SLIT1: variants seen among roughly 807,000 people sequenced by gnomAD.
The protein encoded by SLIT1 is slit homolog 1 protein.
Under a neutral mutation model 186.1 loss-of-function variants are expected in SLIT1, and 66 were observed. The ratio of observed to expected loss-of-function variants is 0.35; its 90% CI spans 0.29 to 0.44. The LOEUF (loss-of-function observed/expected upper bound fraction) is 0.44. SLIT1 is among the 20% of genes least tolerant of loss of function. The pLI is 1.00. For synonymous variants in SLIT1, 761 were observed against 833.8 expected (o/e 0.91, Z 1.50); for missense variants, 1,638 against 2,037.4 (o/e 0.80, Z 3.77).
rs1258172693 is a variant in SLIT1 at position 97,066,047 on chromosome 10, T to C, written c.453A>G (p.Lys151=). The C allele has an allele frequency of 1.9e-6, 3 of 1,606,736 alleles. No individual in the cohort carries two copies. In the Admixed American group the frequency reaches 5.0e-5, roughly 27 times the overall value. ...TAAGGTCCGTAGCTCCCCGAAAAGC[T>C]TTCCTGGGGATGGCCTGGATGGCGT... ...SENAIQAIPR[K]AFRGATDLKN... Residue 151 remains lysine (K), a synonymous_variant, in exon 5 of 37, where the codon AAA becomes AAG. Coordinates refer to ENST00000266058, the MANE Select transcript of SLIT1 (RefSeq NM_003061.3).
chr10:97,043,737 CTG>C lies in SLIT1; in HGVS notation c.1854-226_1854-225del, dbSNP rs1332545683. 6.6e-6 allele frequency among the ~76,000 whole-genome samples: 1 copy of C among 152,214 alleles called. No homozygotes were observed. The highest frequency in any genetic ancestry group is 2.4e-5 in the African/African-American group (1 of 41,460). On this transcript the variant is annotated intron_variant, in intron 18 of 36. Transcript: ENST00000266058. This position sits in a 1 kb window ranked among gnomAD's most constrained non-coding sequence, Gnocchi z 7.0. ...CCCGCCTCTGAGAAGCCTCGAGGCT[CTG>C]TCTCTCTCTCCCTGCCACTGCCCTG...
intron 13 of SLIT1, among the ~76,000 whole-genome samples, chr10:97,053,356 C>A (rs2134631153): frequency 6.6e-6 from 1 of 152,294 alleles, no homozygotes; most frequent in South Asian, 2.1e-4. Context: ...CAAGGTTTCC[C>A]CATGGGGCTT....
chr10:97,139,695 C>G (rs1392418337), intron 4 of SLIT1, among the ~76,000 whole-genome samples: 1 of 152,204 alleles, frequency 6.6e-6, no homozygotes, highest in African/African-American at 2.4e-5. Context: ...CCTCTGAGAG[C>G]TGACATGTCC....
At chr10:97,015,148 A>G (rs1848444390) in intron 28 of SLIT1, among the ~76,000 whole-genome samples, 1 of 152,090 alleles carries the variant, frequency 6.6e-6, no homozygotes, top group Admixed American at 6.5e-5. Flanking sequence ...CCCTAAATTG[A>G]CCCAGCTCAG....
chr10:97,083,618 C>T (rs1222451642), intron 4 of SLIT1, among the ~76,000 whole-genome samples: 7 of 152,168 alleles, frequency 4.6e-5, no homozygotes, highest in African/African-American at 1.4e-4. Flanking sequence ...AAATGGCATA[C>T]GGTTCACATG....
At chr10:97,056,764 G>C (rs1467265373) in intron 12 of SLIT1, among the ~76,000 whole-genome samples, 2 of 152,216 alleles carry the variant, frequency 1.3e-5, no homozygotes, top group African/African-American at 2.4e-5. Context: ...GCATTTTTGG[G>C]GGGGGCTCCT....
rs572355607 is a variant in SLIT1 at position 97,169,608 on chromosome 10, C to T, written c.198-4718G>A. ...TAAGCCCCAGGGCAGCCAGGGCAGCCGGTGGAGTAGGCCCACCTGGGCAGG... is the reference window on the plus strand; with the variant it reads ...TAAGCCCCAGGGCAGCCAGGGCAGCTGGTGGAGTAGGCCCACCTGGGCAGG... On this transcript the variant is annotated intron_variant, in intron 1 of 36. Transcript: ENST00000266058. Among the ~76,000 whole-genome samples, 60 of 152,332 alleles carry T rather than the reference C, an allele frequency of 3.9e-4. 1 individual carries two copies. In the South Asian group the frequency reaches 0.011, roughly 28 times the overall value.
chr10:97,089,609 T>G (rs531982765), intron 4 of SLIT1, among the ~76,000 whole-genome samples: 2 of 152,220 alleles, frequency 1.3e-5, no homozygotes, highest in Non-Finnish European at 2.9e-5. Context: ...TTCTGGCCGC[T>G]GCAGCCCTAT....
chr10:97,171,627 C>T (rs775387721), intron 1 of SLIT1, among the ~76,000 whole-genome samples: 2 of 152,138 alleles, frequency 1.3e-5, no homozygotes, highest in East Asian at 3.8e-4. Flanking sequence ...TGAGACCAGC[C>T]TGGCCAACAT....
chr10:97,118,148 A>G (rs1023046888), intron 4 of SLIT1, among the ~76,000 whole-genome samples: 2 of 152,240 alleles, frequency 1.3e-5, no homozygotes, highest in African/African-American at 4.8e-5. Context: ...GAGGGCCTGA[A>G]TATCACATAA....
At chr10:97,141,714 A>ATTG (rs1166016412) in intron 4 of SLIT1, among the ~76,000 whole-genome samples, 2 of 127,700 alleles carry the variant, frequency 1.6e-5, no homozygotes, top group African/African-American at 6.5e-5. Context: ...ATTGTATTGT[A>ATTG]CTGTATTGTA....
At position 97,035,705 on chromosome 10, in the gene SLIT1, G is replaced by A. The variant is rs567761331; in HGVS notation, c.2367-1163C>T. ...AGTGGCACCCATGTGCCTAGCATGT[G>A]GACTCCAGGCCCTCTAGCTGGCCAC... On this transcript the variant is annotated intron_variant, in intron 22 of 36. Coordinates refer to ENST00000266058, the MANE Select transcript of SLIT1 (RefSeq NM_003061.3). Among the ~76,000 whole-genome samples, 9 of 152,256 alleles carry A rather than the reference G, an allele frequency of 5.9e-5. No homozygotes were observed. In the East Asian group the frequency reaches 1.5e-3, roughly 26 times the overall value.
chr10:97,161,091 T>C (rs1404577523), intron 3 of SLIT1, among the ~76,000 whole-genome samples: 1 of 152,118 alleles, frequency 6.6e-6, no homozygotes, highest in Admixed American at 6.5e-5. Context: ...GCGCCACTGG[T>C]CTCCAACAAC....
At position 97,021,966 on chromosome 10, in the gene SLIT1, G is replaced by A. The variant is rs1440590292; in HGVS notation, c.2583-553C>T. Among the ~76,000 whole-genome samples, 1 of 152,232 alleles carries A rather than the reference G, an allele frequency of 6.6e-6. No individual in the cohort carries two copies. Among genetic ancestry groups the A allele is most frequent in the Non-Finnish European group, 1.5e-5 (1 of 68,040 alleles). ...GCAGAAACCGAGGCTCAAAAAGGCT[G>A]AGGAATTTGCCTAAGATCACACAGA... On this transcript the variant is annotated intron_variant, in intron 25 of 36. Coordinates refer to ENST00000266058, the MANE Select transcript of SLIT1 (RefSeq NM_003061.3). This position sits in a 1 kb window ranked among gnomAD's most constrained non-coding sequence, Gnocchi z 4.5.
intron 25 of SLIT1, among the ~76,000 whole-genome samples, chr10:97,026,195 G>C (rs1848543844): frequency 6.6e-6 from 1 of 152,208 alleles, no homozygotes; most frequent in African/African-American, 2.4e-5. Flanking sequence ...CGGGCACGGT[G>C]GCTTATGCCT....
rs923345910 is a variant in SLIT1, at chr10:97,039,933, C to T, written c.2297+55G>A. On this transcript the variant is annotated intron_variant, in intron 21 of 36. Transcript: ENST00000266058. ...GCCCCAGCCCCTCAGGAAATGCCCC[C>T]ACTGTCCCCGTCCTGTGGACCCACG... 3.1e-6 allele frequency: 5 copies of T among 1,592,804 alleles called. No individual in the cohort carries two copies. The African/African-American group carries it at 6.8e-5, about 22-fold the overall frequency.
chr10:97,043,180 C>G lies in SLIT1; in HGVS notation c.1998-113G>C. ...CACATGGCCACATGGCACTGTCTCC[C>G]AGACCACCACCCATCACCAAGAGGA... On this transcript the variant is annotated intron_variant, in intron 19 of 36. Transcript: ENST00000266058. This position sits in a 1 kb window ranked among gnomAD's most constrained non-coding sequence, Gnocchi z 7.0. The G allele has an allele frequency of 7.4e-7, 1 of 1,349,662 alleles. No individual in the cohort carries two copies. The highest frequency in any genetic ancestry group is 1.0e-6 in the Non-Finnish European group (1 of 972,782). 83.6% of individuals were successfully genotyped at this position (1,349,662 alleles called of 1,614,324 possible).
chr10:97,122,245 A>G (rs1428507557), intron 4 of SLIT1, among the ~76,000 whole-genome samples: 1 of 152,236 alleles, frequency 6.6e-6, no homozygotes, highest in Non-Finnish European at 1.5e-5. Context: ...TAGGCAACTG[A>G]AACCCTGTTT....
chr10:97,079,015 T>C (rs1018811358), intron 4 of SLIT1, among the ~76,000 whole-genome samples: 4 of 152,142 alleles, frequency 2.6e-5, no homozygotes, highest in African/African-American at 9.7e-5. Flanking sequence ...AATTGATGTA[T>C]AGAGAAAAGG....
Sources: gnomAD v4.1 joint callset for allele counts (sites outside exome capture counted in the v4.1 genomes callset) on GRCh38, gnomAD v4.1.1 for gene constraint, Gnocchi (gnomAD v3.1) non-coding constraint, MANE v1.5 for transcripts, NCBI Gene and HGNC (gene_info 2026-07-23, HGNC 2026-07-21) for gene names.